Variants in DTNB observed in about 807,000 individuals in gnomAD.
DTNB encodes DTN-B.
DTNB carries 63 observed loss-of-function variants against 90.7 expected under a neutral mutation model. That is an observed-to-expected ratio of 0.69 (90% CI 0.57 to 0.86). DTNB has a LOEUF of 0.86. Ranked by LOEUF, DTNB falls within the 40% of genes least tolerant of loss-of-function variation. The probability of loss-of-function intolerance (pLI) is 0.00; values close to 1 mark genes in which losing one functional copy is unlikely to be tolerated. For synonymous variants in DTNB, 277 were observed against 286.7 expected (o/e 0.97, Z 0.34); for missense variants, 744 against 807.1 (o/e 0.92, Z 0.95).
chr2:25,640,563 C>A (rs2891465), intron 2 of DTNB, among the ~76,000 whole-genome samples: 67,196 of 151,444 alleles, frequency 0.44, 16,013 homozygotes, highest in East Asian at 0.77. Context: ...CCCTCTCTCT[C>A]TCTGTATTAT....
At chr2:25,416,369 T>C (rs1475613905) in intron 16 of DTNB, among the ~76,000 whole-genome samples, 2 of 152,252 alleles carry the variant, frequency 1.3e-5, no homozygotes, top group Non-Finnish European at 2.9e-5. Context: ...TGTTTTACAA[T>C]TCTTTTCTTT....
At chr2:25,433,101 C>A in intron 13 of DTNB, 102 bp from the exon 14 acceptor site, 1 of 1,175,126 alleles carries the variant, frequency 8.5e-7, no homozygotes, top group Non-Finnish European at 1.2e-6. Context: ...CCTCCTCTAC[C>A]AATCTTGTTT....
rs371885638 is a variant in DTNB, at chr2:25,432,970, C to T, written c.1373G>A (p.Arg458His). The change falls in exon 14 of 21, where the codon CGC becomes CAC. Residue 458 changes from arginine to histidine, a missense_variant. Coordinates refer to ENST00000406818, the MANE Select transcript of DTNB (RefSeq NM_021907.5). ...REILQEIQRL[R>H]LEHEQASQPT... ...CTGGGAGGCCTGCTCGTGTTCCAGG[C>T]GGAGACGCTGAATCTCCTGCAGGAT... The T allele has an allele frequency of 1.7e-4, 275 of 1,609,768 alleles. No homozygotes were observed. Among genetic ancestry groups the T allele is most frequent in the Non-Finnish European group, 2.3e-4 (266 of 1,178,910 alleles).
At chr2:25,668,696 A>C (rs1263627718) in intron 1 of DTNB, among the ~76,000 whole-genome samples, 1 of 152,084 alleles carries the variant, frequency 6.6e-6, no homozygotes, top group Non-Finnish European at 1.5e-5. Flanking sequence ...ATTCAGCCAC[A>C]TTGGTCAAAA....
intron 1 of DTNB, among the ~76,000 whole-genome samples, chr2:25,659,183 G>A (rs573249976): frequency 6.6e-6 from 1 of 152,272 alleles, no homozygotes; most frequent in South Asian, 2.1e-4. Context: ...TCACTGAAGA[G>A]GGTGGGGGAA....
chr2:25,666,419 T>C (rs1296446908), intron 1 of DTNB, among the ~76,000 whole-genome samples: 1 of 152,120 alleles, frequency 6.6e-6, no homozygotes, highest in East Asian at 1.9e-4. Context: ...AAACATCATA[T>C]CTAACAGTGA....
Position 25,601,932 on chromosome 2 carries a change from T to C in DTNB, c.448+5304A>G, listed in dbSNP as rs1243512606. Among the ~76,000 whole-genome samples, 3 of 151,920 alleles carry C rather than the reference T, an allele frequency of 2.0e-5. No individual in the cohort carries two copies. In the East Asian group the frequency reaches 5.8e-4, roughly 29 times the overall value. ...AGGTCAGGAGTTCAAGACCAGCCTG[T>C]CCAACATGGGGAAACCCGGCCTCTA... On this transcript the variant is annotated intron_variant, in intron 5 of 20. Transcript: ENST00000406818.
intron 8 of DTNB, among the ~76,000 whole-genome samples, chr2:25,543,323 T>G (rs948568270): frequency 6.6e-6 from 1 of 151,986 alleles, no homozygotes; most frequent in African/African-American, 2.4e-5. Flanking sequence ...GTTTTTTTTT[T>G]GAGACACAGT....
intron 12 of DTNB, among the ~76,000 whole-genome samples, chr2:25,448,110 G>A (rs1201892552): frequency 5.3e-5 from 8 of 152,110 alleles, no homozygotes; most frequent in Admixed American, 5.2e-4. Flanking sequence ...TTACTCTCCA[G>A]AATAGATCAG....
chr2:25,401,655 T>G (rs976625811), intron 16 of DTNB, among the ~76,000 whole-genome samples: 39 of 152,262 alleles, frequency 2.6e-4, no homozygotes, highest in Admixed American at 5.2e-4. Flanking sequence ...TTAATCCTCC[T>G]GGCACACATT....
At chr2:25,490,536 C>T (rs2067179574) in intron 9 of DTNB, among the ~76,000 whole-genome samples, 1 of 151,924 alleles carries the variant, frequency 6.6e-6, no homozygotes, top group African/African-American at 2.4e-5. Flanking sequence ...ATTAGAAATG[C>T]ACAAAGAGAT....
rs1176780415 is a variant in DTNB at position 25,628,352 on chromosome 2, C to T, written c.181G>A (p.Ala61Thr). ...HLVDIWNMIE[A>T]FRDNGLNTLD... The stretch of plus-strand genomic sequence containing the variant: ...GTATTAAGGCCATTGTCTCGGAAGG[C>T]TTCAATCATGTTCCAGATATCAACA... The change falls in exon 4 of 21, where the codon GCC (alanine) becomes ACC (threonine). Residue 61 changes from alanine to threonine, a missense_variant. Ala to Thr is a moderately conservative substitution (Grantham distance 58, BLOSUM62 0). Coordinates refer to ENST00000406818, the MANE Select transcript of DTNB (RefSeq NM_021907.5). The T allele has an allele frequency of 1.2e-6, 2 of 1,613,120 alleles. No homozygotes were observed. The highest frequency in any genetic ancestry group is 2.2e-5 in the South Asian group (2 of 90,906).
chr2:25,493,371 C>T (rs189912440), intron 9 of DTNB, among the ~76,000 whole-genome samples: 2 of 152,208 alleles, frequency 1.3e-5, no homozygotes, highest in African/African-American at 4.8e-5. Context: ...TCCCTACTCA[C>T]TTGAATCAGA....
At chr2:25,456,940 C>T (rs2060131128) in intron 10 of DTNB, among the ~76,000 whole-genome samples, 1 of 152,060 alleles carries the variant, frequency 6.6e-6, no homozygotes, top group African/African-American at 2.4e-5. Context: ...CTCTTGTGTT[C>T]TTTTGATATA....
intron 1 of DTNB, among the ~76,000 whole-genome samples, chr2:25,668,728 C>A (rs1574279764): frequency 6.6e-6 from 1 of 152,150 alleles, no homozygotes; most frequent in Admixed American, 6.6e-5. Flanking sequence ...TATTTTTATT[C>A]CATTATGTAT....
intron 9 of DTNB, among the ~76,000 whole-genome samples, chr2:25,515,984 A>C (rs1255703775): frequency 6.6e-6 from 1 of 152,232 alleles, no homozygotes; most frequent in Non-Finnish European, 1.5e-5. Flanking sequence ...TAAAAAGTTT[A>C]TGTAAATATT....
intron 8 of DTNB, among the ~76,000 whole-genome samples, chr2:25,562,556 A>G (rs2058424187): frequency 6.6e-6 from 1 of 152,212 alleles, no homozygotes; most frequent in East Asian, 1.9e-4. Flanking sequence ...ACGAAGTATA[A>G]GGGTTCTGAT....
At chr2:25,541,583 C>G (rs976015870) in intron 8 of DTNB, among the ~76,000 whole-genome samples, 4 of 152,104 alleles carry the variant, frequency 2.6e-5, no homozygotes, top group African/African-American at 9.7e-5. Flanking sequence ...CAACCAATCT[C>G]AGGAACGCTT....
chr2:25,383,579 C>A, intron 19 of DTNB: 1 of 635,940 alleles, frequency 1.6e-6, no homozygotes, highest in Non-Finnish European at 2.6e-6. Context: ...CTTTTGTGTT[C>A]TACTTGTATC....
Sources: gnomAD v4.1 joint callset for allele counts (sites outside exome capture counted in the v4.1 genomes callset) on GRCh38, gnomAD v4.1.1 for gene constraint, MANE v1.5 for transcripts, NCBI Gene and HGNC (gene_info 2026-07-23, HGNC 2026-07-21) for gene names.